Variants in DLGAP2 observed in about 807,000 individuals in gnomAD.
The protein encoded by DLGAP2 is DLG associated protein 2, also known as disks large-associated protein 2.
A neutral mutation model predicts 100.3 loss-of-function variants in DLGAP2; 26 were observed. The ratio of observed to expected loss-of-function variants is 0.26; its 90% CI spans 0.19 to 0.36. DLGAP2 has a LOEUF of 0.36. DLGAP2 is among the 10% of genes least tolerant of loss of function. The probability of loss-of-function intolerance (pLI) is 1.00; values close to 1 mark genes in which losing one functional copy is unlikely to be tolerated. For missense variants in DLGAP2, 1,858 were observed against 1,453.2 expected, an observed-to-expected ratio of 1.28 and a Z score of -4.53; for synonymous variants, 886 against 630.1, an observed-to-expected ratio of 1.41 and a Z score of -6.08.
intron 2 of DLGAP2, among the ~76,000 whole-genome samples, chr8:1,156,629 C>T (rs58570843): frequency 0.05 from 1,076 of 21,636 alleles, 21 homozygotes; most frequent in African/African-American, 0.086. Context: ...GCGCCCCAGC[C>T]CAGCGCCCCG....
At position 1,297,754 on chromosome 8, in the gene DLGAP2, A is replaced by C. The variant is rs544649373; in HGVS notation, c.106+38871A>C. Among the ~76,000 whole-genome samples, 364 of 101,036 alleles carry C rather than the reference A, an allele frequency of 3.6e-3. 24 individuals carry two copies. The highest frequency in any genetic ancestry group is 0.015 in the African/African-American group (342 of 22,208). 66.3% of individuals were successfully genotyped at this position (101,036 alleles called of 152,430 possible). ...CGTGAACAGACACCATGTGAGACGG[A>C]GGAGAAACGTGGCAGGCGTGAACAG... On this transcript the variant is annotated intron_variant, in intron 3 of 14. Coordinates refer to ENST00000637795, the MANE Select transcript of DLGAP2 (RefSeq NM_001346810.2).
At chr8:1,672,437 AG>A (rs1283077508) in intron 10 of DLGAP2, among the ~76,000 whole-genome samples, 3 of 152,156 alleles carry the variant, frequency 2.0e-5, no homozygotes, top group Non-Finnish European at 4.4e-5. Context: ...CATGTTAGCC[AG>A]GCTGCTCTCA....
At chr8:1,381,861 A>G (rs902946647) in intron 3 of DLGAP2, among the ~76,000 whole-genome samples, 5 of 151,838 alleles carry the variant, frequency 3.3e-5, no homozygotes, top group African/African-American at 9.7e-5. Context: ...AGCCATTCAG[A>G]TAGGAATTCC....
chr8:997,180 A>G (rs1280007477), intron 2 of DLGAP2, among the ~76,000 whole-genome samples: 1 of 152,240 alleles, frequency 6.6e-6, no homozygotes, highest in Non-Finnish European at 1.5e-5. Context: ...GTTTCTGAGT[A>G]GAATTCACTT....
chr8:868,690 G>A (rs748026627), intron 1 of DLGAP2, among the ~76,000 whole-genome samples: 1 of 152,170 alleles, frequency 6.6e-6, no homozygotes, highest in African/African-American at 2.4e-5. Flanking sequence ...GTGCTGGTGT[G>A]GGCTTTGGTG....
chr8:1,138,090 G>A (rs114270330), intron 2 of DLGAP2, among the ~76,000 whole-genome samples: 4,214 of 152,324 alleles, frequency 0.028, 206 homozygotes, highest in African/African-American at 0.097. Context: ...CACCGGGATG[G>A]CAGCTCTTAA....
intron 6 of DLGAP2, among the ~76,000 whole-genome samples, chr8:1,600,570 C>G (rs1584976828): frequency 6.6e-6 from 1 of 152,120 alleles, no homozygotes; most frequent in East Asian, 1.9e-4. Context: ...TTTGTTTGTT[C>G]CTTTTTGTTC....
intron 2 of DLGAP2, among the ~76,000 whole-genome samples, chr8:1,142,828 G>T (rs1796544885): frequency 6.6e-6 from 1 of 152,182 alleles, no homozygotes; most frequent in African/African-American, 2.4e-5. Flanking sequence ...GAGAGACCTG[G>T]CGGGAGGAGG....
At chr8:1,502,159 T>C (rs909915471) in intron 4 of DLGAP2, among the ~76,000 whole-genome samples, 1 of 152,236 alleles carries the variant, frequency 6.6e-6, no homozygotes, top group Non-Finnish European at 1.5e-5. Flanking sequence ...TTCTCTAACC[T>C]AAAAGAGGTT....
At chr8:1,548,526 C>T in intron 4 of DLGAP2, 100 bp from the exon 5 acceptor site, 11 of 932,124 alleles carry the variant, frequency 1.2e-5, no homozygotes, top group Non-Finnish European at 1.6e-5. Context: ...CAGACATGGA[C>T]ACTGATTAAT....
At chr8:865,119 C>A (rs1171441378) in intron 1 of DLGAP2, among the ~76,000 whole-genome samples, 1 of 152,090 alleles carries the variant, frequency 6.6e-6, no homozygotes, top group African/African-American at 2.4e-5. Context: ...CCCCAGGGAA[C>A]AAGGGGGCCC....
Position 1,147,725 on chromosome 8 carries a change from G to C in DLGAP2, c.74-111126G>C, listed in dbSNP as rs934072667. Among the ~76,000 whole-genome samples, 20 of 151,828 alleles carry C rather than the reference G, an allele frequency of 1.3e-4. 1 individual carries two copies. The highest frequency in any genetic ancestry group is 4.8e-4 in the African/African-American group (20 of 41,334). On this transcript the variant is annotated intron_variant, in intron 2 of 14. Transcript: ENST00000637795. ...TTTTTCAGAGACAGGGTCTTGCTGT[G>C]TCTCCCAGGCTGAACTTGAACTCCA...
At chr8:1,617,052 A>G (rs911054844) in intron 6 of DLGAP2, among the ~76,000 whole-genome samples, 1 of 152,178 alleles carries the variant, frequency 6.6e-6, no homozygotes, top group East Asian at 1.9e-4. Context: ...TGTTGCTGCA[A>G]AGGACATGAT....
In DLGAP2 at chr8:924,876, G is replaced by A. The variant is rs551572827; in HGVS notation, c.73+16910G>A. Among the ~76,000 whole-genome samples, 10 of 152,246 alleles carry A rather than the reference G, an allele frequency of 6.6e-5. No individual in the cohort carries two copies. In the East Asian group the frequency reaches 1.7e-3, roughly 27 times the overall value. ...GCTGGGATTGCCAGCATGAGCCACC[G>A]CGCCTGGCCAATCCAGGTTATTCTT... On this transcript the variant is annotated intron_variant, in intron 2 of 14. Transcript: ENST00000637795.
intron 1 of DLGAP2, among the ~76,000 whole-genome samples, chr8:840,911 G>A (rs1297390027): frequency 6.6e-6 from 1 of 152,208 alleles, no homozygotes; most frequent in African/African-American, 2.4e-5. Flanking sequence ...TGTGTATTCT[G>A]TTTGGCAGGA....
chr8:1,255,713 T>G (rs1343103713), intron 2 of DLGAP2, among the ~76,000 whole-genome samples: 1 of 141,588 alleles, frequency 7.1e-6, no homozygotes, highest in Admixed American at 7.1e-5. Context: ...GCCTGGGAGC[T>G]GTGTGTGTGT....
intron 3 of DLGAP2, among the ~76,000 whole-genome samples, chr8:1,367,757 G>T (rs1467836801): frequency 6.6e-6 from 1 of 152,208 alleles, no homozygotes; most frequent in Non-Finnish European, 1.5e-5. Flanking sequence ...CTTCACTGCA[G>T]TTCAGAAAAT....
chr8:878,523 A>G (rs1585964433), intron 1 of DLGAP2, among the ~76,000 whole-genome samples: 2 of 152,168 alleles, frequency 1.3e-5, no homozygotes, highest in African/African-American at 4.8e-5. Context: ...TAGGATTTCC[A>G]TGTTGTGATA....
chr8:881,338 TTGAC>T (rs978585448), intron 1 of DLGAP2, among the ~76,000 whole-genome samples: 2 of 152,184 alleles, frequency 1.3e-5, no homozygotes, highest in African/African-American at 2.4e-5. Flanking sequence ...CCCCGATAAT[TTGAC>T]TGGTTGTATC....
Sources: allele counts gnomAD v4.1 joint callset (sites outside exome capture counted in the v4.1 genomes callset), GRCh38; gene constraint gnomAD v4.1.1; transcripts MANE v1.5; gene names NCBI Gene and HGNC (gene_info 2026-07-23, HGNC 2026-07-21).